GADL1: variants seen among roughly 807,000 people sequenced by gnomAD.
GADL1 encodes GAD like acidic amino acid decarboxylase 1.
In GADL1, 71 loss-of-function variants were observed where a neutral mutation model predicts 69.5. That is an observed-to-expected ratio of 1.02 (90% CI 0.84 to 1.25). The LOEUF is 1.25. Ranked by LOEUF, GADL1 falls within the 50% of genes most tolerant of loss-of-function variation. The pLI is 0.00. For synonymous variants in GADL1, 254 were observed against 214.4 expected, an observed-to-expected ratio of 1.18 and a Z score of -1.62; for missense variants, 737 against 631.8, an observed-to-expected ratio of 1.17 and a Z score of -1.79.
intron 14 of GADL1, among the ~76,000 whole-genome samples, chr3:30,748,895 G>A (rs1695754618): frequency 6.6e-6 from 1 of 152,032 alleles, no homozygotes; most frequent in Non-Finnish European, 1.5e-5. Context: ...CTTACCCCTT[G>A]GGATGTTGAT....
chr3:30,860,819 C>T (rs1285939622), intron 2 of GADL1, among the ~76,000 whole-genome samples: 1 of 151,940 alleles, frequency 6.6e-6, no homozygotes, highest in African/African-American at 2.4e-5. Context: ...GTGATACTGC[C>T]TGGATTTTAG....
In GADL1 at chr3:30,801,436, A is replaced by G. The variant is rs566015154; in HGVS notation, c.1051-348T>C. Among the ~76,000 whole-genome samples, 5 of 152,200 alleles carry G rather than the reference A, an allele frequency of 3.3e-5. No homozygotes were observed. The East Asian group carries it at 7.7e-4, about 24-fold the overall frequency. On this transcript the variant is annotated intron_variant, in intron 11 of 14. Transcript: ENST00000282538. Reference sequence around the variant, plus strand: ...TAACTCAAAGTGCTCTCCATTGGCCAGAAAAAAAAAACTGACATATTTACA... The same window carrying G: ...TAACTCAAAGTGCTCTCCATTGGCCGGAAAAAAAAAACTGACATATTTACA...
At chr3:30,886,659 A>G (rs1698715443) in intron 1 of GADL1, among the ~76,000 whole-genome samples, 1 of 152,162 alleles carries the variant, frequency 6.6e-6, no homozygotes, top group Non-Finnish European at 1.5e-5. Flanking sequence ...CTAATAATTC[A>G]TGTTGTAACT....
At chr3:30,794,025 T>C (rs1235971719) in intron 12 of GADL1, among the ~76,000 whole-genome samples, 1 of 152,152 alleles carries the variant, frequency 6.6e-6, no homozygotes, top group Non-Finnish European at 1.5e-5. Flanking sequence ...TTTAAAAAGA[T>C]CACCAATATA....
chr3:30,785,968 T>C (rs1379205607), intron 13 of GADL1, among the ~76,000 whole-genome samples: 3 of 152,302 alleles, frequency 2.0e-5, no homozygotes, highest in African/African-American at 7.2e-5. Context: ...CATTATTTTA[T>C]AAAAAGAGAA....
intron 11 of GADL1, among the ~76,000 whole-genome samples, chr3:30,805,095 G>C (rs1697228264): frequency 6.6e-6 from 1 of 152,056 alleles, no homozygotes; most frequent in African/African-American, 2.4e-5. Flanking sequence ...ATAATGACCA[G>C]AGCTAACATT....
chr3:30,794,116 A>C (rs1696977831), intron 12 of GADL1, among the ~76,000 whole-genome samples: 1 of 152,228 alleles, frequency 6.6e-6, no homozygotes, highest in Non-Finnish European at 1.5e-5. Flanking sequence ...CACTGGCACA[A>C]AAGCACCATT....
intron 1 of GADL1, among the ~76,000 whole-genome samples, chr3:30,893,643 T>A (rs1288510595): frequency 6.6e-6 from 1 of 152,192 alleles, no homozygotes; most frequent in African/African-American, 2.4e-5. Context: ...AAAGTTTTTT[T>A]AAAAGAGCGT....
chr3:30,742,307 T>C (rs1003827498), intron 14 of GADL1, among the ~76,000 whole-genome samples: 1 of 152,000 alleles, frequency 6.6e-6, no homozygotes, highest in Non-Finnish European at 1.5e-5. Context: ...CTTAAACTTT[T>C]ATAGTTTTCT....
chr3:30,812,872 A>AG (rs1341408927), intron 11 of GADL1, among the ~76,000 whole-genome samples: 1 of 152,058 alleles, frequency 6.6e-6, no homozygotes, highest in Non-Finnish European at 1.5e-5. Context: ...GGAGGACAGG[A>AG]GGAAGGAGAG....
intron 1 of GADL1, among the ~76,000 whole-genome samples, chr3:30,865,305 A>T (rs9811918): frequency 0.77 from 94,462 of 123,194 alleles, 34,853 homozygotes; most frequent in Non-Finnish European, 0.83. Flanking sequence ...ATATATATAT[A>T]TTTTTTAATA....
chr3:30,754,031 A>G (rs1695904056), intron 14 of GADL1, among the ~76,000 whole-genome samples: 1 of 152,226 alleles, frequency 6.6e-6, no homozygotes, highest in Non-Finnish European at 1.5e-5. Context: ...TTGCATTACC[A>G]ATTGTATTCT....
At chr3:30,846,983 A>T (rs1698069262) in intron 6 of GADL1, among the ~76,000 whole-genome samples, 1 of 152,166 alleles carries the variant, frequency 6.6e-6, no homozygotes, top group Non-Finnish European at 1.5e-5. Context: ...CTGGCCTGGG[A>T]GGTAAGGGTT....
chr3:30,793,097 G>A (rs1455051169), intron 12 of GADL1, among the ~76,000 whole-genome samples: 3 of 152,132 alleles, frequency 2.0e-5, no homozygotes, highest in Non-Finnish European at 4.4e-5. Flanking sequence ...TAATATAGTA[G>A]TTAGCATCTC....
intron 11 of GADL1, among the ~76,000 whole-genome samples, chr3:30,830,326 A>T (rs1697767051): frequency 1.3e-5 from 2 of 151,868 alleles, no homozygotes; most frequent in African/African-American, 4.8e-5. Context: ...GGGCCTTTGG[A>T]TCTTCATCTC....
At chr3:30,840,383 A>T (rs11706115) in intron 8 of GADL1, among the ~76,000 whole-genome samples, 18 of 152,110 alleles carry the variant, frequency 1.2e-4, no homozygotes, top group Admixed American at 1.2e-3. Context: ...ATCTTGGGAG[A>T]CAGCTGTGGC....
chr3:30,874,841 G>A (rs928922377), intron 1 of GADL1, among the ~76,000 whole-genome samples: 1 of 151,860 alleles, frequency 6.6e-6, no homozygotes, highest in Admixed American at 6.6e-5. Flanking sequence ...TGCTTGAAGG[G>A]TATATCAGCT....
chr3:30,878,593 C>T (rs932588120), intron 1 of GADL1, among the ~76,000 whole-genome samples: 2 of 151,874 alleles, frequency 1.3e-5, no homozygotes, highest in Non-Finnish European at 1.5e-5. Context: ...AACTTATCTA[C>T]TGAGACTTAC....
chr3:30,830,902 G>C, intron 11 of GADL1, among the ~76,000 whole-genome samples: 1 of 151,876 alleles, frequency 6.6e-6, no homozygotes, highest in South Asian at 2.1e-4. Flanking sequence ...TTCAGTTGCT[G>C]TATCAGTAAT....
Sources: gnomAD v4.1 joint callset for allele counts (sites outside exome capture counted in the v4.1 genomes callset) on GRCh38, gnomAD v4.1.1 for gene constraint, MANE v1.5 for transcripts, NCBI Gene and HGNC (gene_info 2026-07-23, HGNC 2026-07-21) for gene names.